Variants in IPO7 observed in about 807,000 individuals in gnomAD.
The protein encoded by IPO7 is importin 7, also known as importin-7.
Under a neutral mutation model 136.4 loss-of-function variants are expected in IPO7, and 13 were observed. The observed-to-expected ratio is 0.10, with a 90% CI of 0.06 to 0.15. The LOEUF (loss-of-function observed/expected upper bound fraction) is 0.15. Among genes scored for constraint, IPO7 ranks in the 10% least tolerant of loss-of-function variants. The probability of loss-of-function intolerance (pLI) is 1.00; values close to 1 mark genes in which losing one functional copy is unlikely to be tolerated. For missense variants in IPO7, 857 were observed against 1,240.6 expected (o/e 0.69, Z 4.65); for synonymous variants, 403 against 404.4 (o/e 1.00, Z 0.04).
chr11:9,419,274 G>C (rs1175564057), intron 6 of IPO7, among the ~76,000 whole-genome samples: 1 of 152,108 alleles, frequency 6.6e-6, no homozygotes, highest in Non-Finnish European at 1.5e-5. Context: ...GATAGGCTGG[G>C]CGTGGTGGCT....
chr11:9,428,143 T>C (rs946679689), intron 12 of IPO7, among the ~76,000 whole-genome samples: 1 of 150,916 alleles, frequency 6.6e-6, no homozygotes, highest in African/African-American at 2.4e-5. Context: ...AAAAAAAGAG[T>C]GTGCCTTTTT....
In IPO7 at chr11:9,438,698, T is replaced by C. The variant is rs529127010; in HGVS notation, c.2695+413T>C. 6.6e-5 allele frequency among the ~76,000 whole-genome samples: 10 copies of C among 152,322 alleles called. No homozygotes were observed. In the East Asian group the frequency reaches 1.9e-3, roughly 29 times the overall value. On this transcript the variant is annotated intron_variant, in intron 22 of 24. Coordinates refer to ENST00000379719, the MANE Select transcript of IPO7 (RefSeq NM_006391.3). ...AATGTGGGATCATACCCAAATGCTT[T>C]CATTCACAGAAAAGACTTCCTTTCT...
rs1350062631 is a variant in IPO7 at position 9,424,945 on chromosome 11, T to G, written c.1173T>G (p.Thr391=). Residue 391 remains threonine, a synonymous_variant, in exon 11 of 25, where the codon ACT becomes ACG. Transcript: ENST00000379719. ...TTGAAGATTTCATTTCTCCTACCAC[T>G]GCTGCCCAGACACTTTTGTTTACAG... ...DVFEDFISPT[T]AAQTLLFTAC... 2 of 1,592,732 alleles carry G rather than the reference T, an allele frequency of 1.3e-6. No individual in the cohort carries two copies. The highest frequency in any genetic ancestry group is 1.7e-6 in the Non-Finnish European group (2 of 1,171,588).
chr11:9,426,073 TAAC>T (rs1855202726), intron 12 of IPO7, among the ~76,000 whole-genome samples: 1 of 151,796 alleles, frequency 6.6e-6, no homozygotes, highest in Non-Finnish European at 1.5e-5. Flanking sequence ...AAATAAAAAA[TAAC>T]AACCTTATGG....
At chr11:9,425,735 C>T (rs965935401) in intron 12 of IPO7, among the ~76,000 whole-genome samples, 36 of 152,170 alleles carry the variant, frequency 2.4e-4, no homozygotes, top group African/African-American at 7.5e-4. Context: ...AAAAATTAGC[C>T]GGGCATGGTG....
rs979681135 is a variant in IPO7, at chr11:9,423,234, G to T, written c.1041+94G>T. 3.8e-5 allele frequency: 29 copies of T among 762,002 alleles called. 1 individual carries two copies. Among genetic ancestry groups the T allele is most frequent in the Non-Finnish European group, 5.3e-5 (26 of 486,424 alleles). 47.2% of individuals were successfully genotyped at this position (762,002 alleles called of 1,614,324 possible). On this transcript the variant is annotated intron_variant, in intron 9 of 24. Coordinates refer to ENST00000379719, the MANE Select transcript of IPO7 (RefSeq NM_006391.3). ...TGAAAAATTGCATGTTTGTTGAGTT[G>T]TGTTACTTAGACTACTTCTGGTGAT... is the stretch of plus-strand genomic sequence containing the variant.
chr11:9,429,640 G>A, intron 14 of IPO7, 34 bp from the exon 15 acceptor site: 41 of 1,574,326 alleles, frequency 2.6e-5, no homozygotes, highest in Non-Finnish European at 3.5e-5. Context: ...AGTTTTAGGG[G>A]TTTTACGCAA....
At chr11:9,391,643 G>T (rs990654532) in intron 1 of IPO7, among the ~76,000 whole-genome samples, 1 of 152,198 alleles carries the variant, frequency 6.6e-6, no homozygotes, top group Non-Finnish European at 1.5e-5. Flanking sequence ...GGCAGAGCTT[G>T]CGGTGAGCAG....
At chr11:9,422,125 CA>C (rs1450502283) in intron 8 of IPO7, among the ~76,000 whole-genome samples, 3 of 151,758 alleles carry the variant, frequency 2.0e-5, no homozygotes, top group African/African-American at 7.3e-5. Flanking sequence ...ACTAAAAATA[CA>C]AAATCAGCCA....
intron 1 of IPO7, among the ~76,000 whole-genome samples, chr11:9,397,333 T>TA (rs1238499611): frequency 1.9e-5 from 1 of 52,910 alleles, no homozygotes; most frequent in South Asian, 8.4e-4. Context: ...AAAAATAATT[T>TA]AAAAAAAAAT....
Position 9,439,585 on chromosome 11 carries a change from G to T in IPO7, c.2696-870G>T, listed in dbSNP as rs570158887. ...GGGTTTTTTTTGTTTGTTTTTTTTT[G>T]TTGTTGTTGTTGAGACGGAATCTCG... On this transcript the variant is annotated intron_variant, in intron 22 of 24. Transcript: ENST00000379719. Among the ~76,000 whole-genome samples the T allele has an allele frequency of 3.2e-3, 477 of 150,082 alleles. 2 individuals carry two copies. Among genetic ancestry groups the T allele is most frequent in the African/African-American group, 0.011 (454 of 40,876 alleles).
At chr11:9,399,133 G>A (rs1158397468) in intron 1 of IPO7, among the ~76,000 whole-genome samples, 1 of 151,738 alleles carries the variant, frequency 6.6e-6, no homozygotes, top group Non-Finnish European at 1.5e-5. Context: ...ACTTGGACTA[G>A]GTTGGTGTTC....
At chr11:9,415,656 G>A (rs905950654) in intron 5 of IPO7, among the ~76,000 whole-genome samples, 2 of 152,176 alleles carry the variant, frequency 1.3e-5, no homozygotes, top group South Asian at 4.1e-4. Context: ...GGCTAACATG[G>A]TGAAACCCTG....
intron 1 of IPO7, among the ~76,000 whole-genome samples, chr11:9,402,019 A>G (rs1303533647): frequency 6.6e-6 from 1 of 152,200 alleles, no homozygotes; most frequent in Non-Finnish European, 1.5e-5. Flanking sequence ...ATTTAATGAA[A>G]TGTTTCTATG....
intron 8 of IPO7, among the ~76,000 whole-genome samples, chr11:9,422,753 G>T (rs1855151270): frequency 6.6e-6 from 1 of 152,142 alleles, no homozygotes; most frequent in Non-Finnish European, 1.5e-5. Context: ...TTAGAGACCA[G>T]CCGGGGCAAC....
intron 4 of IPO7, among the ~76,000 whole-genome samples, chr11:9,413,014 G>A (rs1854989448): frequency 6.6e-6 from 1 of 151,406 alleles, no homozygotes; most frequent in Admixed American, 6.6e-5. Context: ...CGAGTAGCTG[G>A]GACTATAGGC....
At chr11:9,403,452 T>C (rs1434076055) in intron 2 of IPO7, 81 bp downstream of exon 2, 1 of 1,056,962 alleles carries the variant, frequency 9.5e-7, no homozygotes, top group Non-Finnish European at 1.4e-6. Context: ...TGTCTTGGGA[T>C]GGCCCTTTGG....
At chr11:9,392,333 A>C (rs1202048912) in intron 1 of IPO7, 4 of 281,544 alleles carry the variant, frequency 1.4e-5, no homozygotes, top group South Asian at 2.8e-5. Flanking sequence ...ATGCATTACC[A>C]CGTCCGGCTA....
chr11:9,438,045 G>GTTTTTT lies in IPO7; in HGVS notation c.2490-8_2490-3dup, dbSNP rs202038310. Reference sequence around the variant, plus strand: ...TCTGCTTATTTAAGAAAAGAAAACAGTTTTTTTTTTTTTTTTTTTTTTTTT... The same window carrying GTTTTTT: ...TCTGCTTATTTAAGAAAAGAAAACAGTTTTTTTTTTTTTTTTTTTTTTTTTTTTTTT... On this transcript the variant is annotated intron_variant, in intron 21 of 24. Coordinates refer to ENST00000379719, the MANE Select transcript of IPO7 (RefSeq NM_006391.3). 4.6e-4 allele frequency: 502 copies of GTTTTTT among 1,093,238 alleles called. 5 individuals are homozygous for GTTTTTT. Among genetic ancestry groups the GTTTTTT allele is most frequent in the African/African-American group, 2.0e-3 (67 of 33,268 alleles). 67.7% of individuals were successfully genotyped at this position (1,093,238 alleles called of 1,614,324 possible). A position where few individuals can be genotyped will look rare whatever the true frequency, so the allele number is the denominator to read the frequency against.
Sources: allele counts gnomAD v4.1 joint callset (sites outside exome capture counted in the v4.1 genomes callset), GRCh38; gene constraint gnomAD v4.1.1; transcripts MANE v1.5; gene names NCBI Gene and HGNC (gene_info 2026-07-23, HGNC 2026-07-21).